Variants in XXYLT1 observed in about 807,000 individuals in gnomAD.
The protein encoded by XXYLT1 is UDP-xylose:alpha-xyloside alpha-1,3-xylosyltransferase.
XXYLT1 carries 20 observed loss-of-function variants against 28.9 expected under a neutral mutation model. That is an observed-to-expected ratio of 0.69 (90% CI 0.49 to 1.00). XXYLT1 has a LOEUF of 1.00. Among genes scored for constraint, XXYLT1 ranks in the 50% least tolerant of loss-of-function variants. XXYLT1 has a pLI of 0.00. For missense variants in XXYLT1, 542 were observed against 560.1 expected, an observed-to-expected ratio of 0.97 and a Z score of 0.33; for synonymous variants, 257 against 253.8, an observed-to-expected ratio of 1.01 and a Z score of -0.12.
At chr3:195,229,735 G>A (rs1724219663) in intron 1 of XXYLT1, among the ~76,000 whole-genome samples, 2 of 152,186 alleles carry the variant, frequency 1.3e-5, no homozygotes, top group African/African-American at 4.8e-5. Flanking sequence ...CTTATTTATG[G>A]CTGAATAGTA....
chr3:195,247,679 GGC>G (rs1480856275), intron 1 of XXYLT1: 2 of 602,458 alleles, frequency 3.3e-6, no homozygotes, highest in Non-Finnish European at 6.1e-6. Flanking sequence ...CCCCAGGGCA[GGC>G]TCAGCTGCTG....
At chr3:195,122,857 G>A (rs1200022462) in intron 3 of XXYLT1, among the ~76,000 whole-genome samples, 2 of 152,194 alleles carry the variant, frequency 1.3e-5, no homozygotes, top group African/African-American at 4.8e-5. Context: ...GCTGTTTGCA[G>A]CCCTCCAAGA....
At chr3:195,205,320 C>T (rs976047977) in intron 2 of XXYLT1, among the ~76,000 whole-genome samples, 15 of 152,160 alleles carry the variant, frequency 9.9e-5, no homozygotes, top group Admixed American at 7.9e-4. Context: ...TGATGAAATA[C>T]GACTCAGCAA....
chr3:195,183,056 G>A (rs901470907), intron 2 of XXYLT1, among the ~76,000 whole-genome samples: 2 of 152,142 alleles, frequency 1.3e-5, no homozygotes, highest in African/African-American at 2.4e-5. Context: ...GTCAAGAAAC[G>A]GAAGCTCGGG....
intron 2 of XXYLT1, among the ~76,000 whole-genome samples, chr3:195,178,322 C>G (rs1054713916): frequency 6.6e-6 from 1 of 152,204 alleles, no homozygotes; most frequent in Non-Finnish European, 1.5e-5. Flanking sequence ...ATACAATCCC[C>G]AGACCAGTCT....
In XXYLT1 at chr3:195,256,575, C is replaced by T; in HGVS notation, c.504+13980G>A. ...CTCCTCACACCCCGCAACTTCTCAC[C>T]CGCACATTCAGGATGGGGTCTGGAA... On this transcript the variant is annotated intron_variant, in intron 1 of 3. Transcript: ENST00000310380. This position sits in a 1 kb window ranked among gnomAD's most constrained non-coding sequence, Gnocchi z 4.2. The T allele has an allele frequency of 4.1e-6, 4 of 985,400 alleles. No homozygotes were observed. The highest frequency in any genetic ancestry group is 4.8e-6 in the Non-Finnish European group (4 of 829,914). 61.0% of individuals were successfully genotyped at this position (985,400 alleles called of 1,614,324 possible). A position where few individuals can be genotyped will look rare whatever the true frequency, so the allele number is the denominator to read the frequency against.
rs1183571924 is a variant in XXYLT1, at chr3:195,070,115, T to G, written c.786-4A>C. The G allele has an allele frequency of 8.4e-6, 13 of 1,551,304 alleles. No individual in the cohort carries two copies. The highest frequency in any genetic ancestry group is 1.1e-5 in the Non-Finnish European group (13 of 1,156,158). On this transcript the variant is annotated splice_polypyrimidine_tract_variant and splice_region_variant and intron_variant, in intron 3 of 3. Transcript: ENST00000310380. ...GCGGAACTGCCAGAATGTGTGCCTG[T>G]GGAGAGAGAGGACAGAGTTAGTCCG...
At chr3:195,071,434 C>T (rs1367701343) in intron 3 of XXYLT1, among the ~76,000 whole-genome samples, 12 of 152,202 alleles carry the variant, frequency 7.9e-5, no homozygotes, top group East Asian at 3.9e-4. Context: ...CTTCTGGGAA[C>T]GGAGGAACCT....
In XXYLT1 at chr3:195,185,503, GTTTTT is replaced by G. The variant is rs10576287; in HGVS notation, c.653-28927_653-28923del. ...TTGGTCCAGAGAGGTTTAGGGCTGG[GTTTTT>G]TTTTTTTTTTTTTTCACTTTGATTT... On this transcript the variant is annotated intron_variant, in intron 2 of 3. Coordinates refer to ENST00000310380, the MANE Select transcript of XXYLT1 (RefSeq NM_152531.5). 4.0e-5 allele frequency among the ~76,000 whole-genome samples: 5 copies of G among 126,160 alleles called. No individual in the cohort carries two copies. The South Asian group carries it at 7.8e-4, about 20-fold the overall frequency. The allele number at this position is 126,160 out of a possible 152,430, so 82.8% of individuals were successfully genotyped here.
chr3:195,218,717 G>C (rs2108791165), intron 2 of XXYLT1, among the ~76,000 whole-genome samples: 1 of 150,322 alleles, frequency 6.7e-6, no homozygotes, highest in South Asian at 2.1e-4. Context: ...ACTGTTGGTG[G>C]GACTGTAAAC....
chr3:195,181,032 C>T (rs76676763), intron 2 of XXYLT1, among the ~76,000 whole-genome samples: 2,202 of 152,260 alleles, frequency 0.014, 22 homozygotes, highest in Middle Eastern at 0.044. Context: ...AAGACAAGGC[C>T]GGAGCATCTG....
intron 3 of XXYLT1, among the ~76,000 whole-genome samples, chr3:195,151,603 ATTG>A (rs555540022): frequency 1.2e-3 from 176 of 152,256 alleles, no homozygotes; most frequent in Non-Finnish European, 2.3e-3. Flanking sequence ...AGTATAAATA[ATTG>A]TTTAGATAAA....
chr3:195,150,363 G>A lies in XXYLT1; in HGVS notation c.785+6086C>T, dbSNP rs115155928. Among the ~76,000 whole-genome samples, 3,962 of 152,088 alleles carry A rather than the reference G, an allele frequency of 0.026. 181 individuals carry two copies. The highest frequency in any genetic ancestry group is 0.09 in the African/African-American group (3,726 of 41,448). On this transcript the variant is annotated intron_variant, in intron 3 of 3. Transcript: ENST00000310380. This position sits in a 1 kb window ranked among gnomAD's most constrained non-coding sequence, Gnocchi z 4.7. ...CCTCCCTTCTTCCCTCTGTGCTGGC[G>A]CTCACTCCCTCCCCAACACTCCCCT...
At chr3:195,145,716 A>G (rs1027349581) in intron 3 of XXYLT1, among the ~76,000 whole-genome samples, 2 of 152,242 alleles carry the variant, frequency 1.3e-5, no homozygotes, top group Admixed American at 6.5e-5. Context: ...CCAGCCTCAT[A>G]ATGAGCGCTC....
intron 2 of XXYLT1, chr3:195,175,886 T>C: frequency 7.1e-7 from 1 of 1,410,128 alleles, no homozygotes; most frequent in Non-Finnish European, 9.2e-7. Flanking sequence ...GTGACATTTG[T>C]GTGGGAAAGA....
intron 2 of XXYLT1, among the ~76,000 whole-genome samples, chr3:195,215,677 C>T (rs1723541827): frequency 6.7e-6 from 1 of 150,230 alleles, no homozygotes. Flanking sequence ...TAAAGCAAGT[C>T]CTGAGTGACC....
chr3:195,235,182 T>C (rs761789251), intron 1 of XXYLT1, among the ~76,000 whole-genome samples: 3 of 152,164 alleles, frequency 2.0e-5, no homozygotes, highest in Non-Finnish European at 4.4e-5. Flanking sequence ...CTTGCCTCAC[T>C]GCAACCTCTG....
intron 3 of XXYLT1, among the ~76,000 whole-genome samples, chr3:195,111,431 A>G (rs1230803723): frequency 6.6e-6 from 1 of 152,004 alleles, no homozygotes; most frequent in African/African-American, 2.4e-5. Flanking sequence ...AGATGGGGAG[A>G]GAGGCTGGAT....
chr3:195,098,311 T>C (rs1716565654), intron 3 of XXYLT1, among the ~76,000 whole-genome samples: 1 of 152,192 alleles, frequency 6.6e-6, no homozygotes, highest in African/African-American at 2.4e-5. Context: ...CCCAGCACTT[T>C]GGGAGGCTGA....
Sources: gnomAD v4.1 joint callset for allele counts (sites outside exome capture counted in the v4.1 genomes callset) on GRCh38, gnomAD v4.1.1 for gene constraint, Gnocchi (gnomAD v3.1) non-coding constraint, MANE v1.5 for transcripts, NCBI Gene and HGNC (gene_info 2026-07-23, HGNC 2026-07-21) for gene names.